Variants in MSRB3 observed in about 807,000 individuals in gnomAD.
MSRB3 encodes the protein methionine sulfoxide reductase B3.
A neutral mutation model predicts 21.0 loss-of-function variants in MSRB3; 13 were observed. That is an observed-to-expected ratio of 0.62 (90% CI 0.40 to 0.98). The LOEUF is 0.98. Ranked by LOEUF, MSRB3 falls within the 50% of genes least tolerant of loss-of-function variation. The probability of loss-of-function intolerance (pLI) is 0.00; values close to 1 mark genes in which losing one functional copy is unlikely to be tolerated. For synonymous variants in MSRB3, 87 were observed against 88.6 expected, an observed-to-expected ratio of 0.98 and a Z score of 0.10; for missense variants, 199 against 230.3, an observed-to-expected ratio of 0.86 and a Z score of 0.88.
rs1204085164 is a variant in MSRB3 at position 65,466,684 on chromosome 12, ATTAC to A, written c.*3365_*3368del. On this transcript the variant is annotated 3_prime_UTR_variant, in exon 7 of 7. Coordinates refer to ENST00000308259, the MANE Select transcript of MSRB3 (RefSeq NM_001031679.3). ...CGTAGCAATTTGAAAACTTCTCCGT[ATTAC>A]TTGTGTTTAAAATGTCTTGCTTTAA... The A allele has an allele frequency of 6.6e-6, 1 of 152,190 alleles. No homozygotes were observed. Among genetic ancestry groups the A allele is most frequent in the Non-Finnish European group, 1.5e-5 (1 of 68,028 alleles). 9.4% of individuals were successfully genotyped at this position (152,190 alleles called of 1,614,324 possible).
intron 5 of MSRB3, among the ~76,000 whole-genome samples, chr12:65,425,980 C>T (rs1021416220): frequency 6.6e-6 from 1 of 152,134 alleles, no homozygotes; most frequent in Admixed American, 6.5e-5. Context: ...CCTCAGCCTC[C>T]TGAGTAGCTG....
At position 65,463,458 on chromosome 12, in the gene MSRB3, G is replaced by A; in HGVS notation, c.*136G>A. 9.1e-7 allele frequency: 1 copy of A among 1,101,568 alleles called. No individual in the cohort carries two copies. The highest frequency in any genetic ancestry group is 1.3e-6 in the Non-Finnish European group (1 of 779,110). The allele number at this position is 1,101,568 out of a possible 1,614,324, so 68.2% of individuals were successfully genotyped here. ...TGCTATTGATATTTTTTCTTCTTTT[G>A]CTTAAACAGAAGCCCTGGCCATCCA... On this transcript the variant is annotated 3_prime_UTR_variant, in exon 7 of 7. Transcript: ENST00000308259.
chr12:65,326,111 C>G (rs984051447), intron 2 of MSRB3, among the ~76,000 whole-genome samples: 1 of 152,024 alleles, frequency 6.6e-6, no homozygotes, highest in Non-Finnish European at 1.5e-5. Context: ...TCTGTTTTTC[C>G]CACTCTTTCT....
At chr12:65,422,888 G>A (rs1436452738) in intron 5 of MSRB3, among the ~76,000 whole-genome samples, 1 of 150,532 alleles carries the variant, frequency 6.6e-6, no homozygotes, top group Non-Finnish European at 1.5e-5. Context: ...AGTTTCGTAT[G>A]TTGATTTTGT....
rs561960897 is a variant in MSRB3 at position 65,338,877 on chromosome 12, C to G, written c.263+10274C>G. Among the ~76,000 whole-genome samples, 28 of 152,136 alleles carry G rather than the reference C, an allele frequency of 1.8e-4. No individual in the cohort carries two copies. The South Asian group carries it at 5.0e-3, about 27-fold the overall frequency. Reference sequence around the variant, plus strand: ...ATTGCCTGAGCTCAGGAGTTCGAGACCAGCCTAGGCAACATGGTGAAACCC... The same window carrying G: ...ATTGCCTGAGCTCAGGAGTTCGAGAGCAGCCTAGGCAACATGGTGAAACCC... On this transcript the variant is annotated intron_variant, in intron 4 of 6. Coordinates refer to ENST00000308259, the MANE Select transcript of MSRB3 (RefSeq NM_001031679.3).
intron 5 of MSRB3, among the ~76,000 whole-genome samples, chr12:65,438,013 A>G (rs1882199271): frequency 1.3e-5 from 2 of 151,934 alleles, no homozygotes; most frequent in South Asian, 4.1e-4. Flanking sequence ...TGATGAGATA[A>G]TTATGCCACT....
chr12:65,422,630 C>T (rs1468335332), intron 5 of MSRB3, among the ~76,000 whole-genome samples: 1 of 150,920 alleles, frequency 6.6e-6, no homozygotes, highest in Admixed American at 6.6e-5. Flanking sequence ...TGCATTAAGT[C>T]TGTAGATGGC....
chr12:65,383,580 G>A (rs1405625858), intron 5 of MSRB3, among the ~76,000 whole-genome samples: 2 of 151,534 alleles, frequency 1.3e-5, no homozygotes, highest in African/African-American at 4.9e-5. Context: ...ATTTCTTGGT[G>A]GTATGGGTAA....
intron 1 of MSRB3, chr12:65,285,228 T>C (rs540778366): frequency 6.6e-6 from 1 of 152,360 alleles, no homozygotes; most frequent in Non-Finnish European, 1.5e-5. Context: ...ACAGAATTCC[T>C]TGCTTGCCTT....
At chr12:65,440,630 GCTGA>G (rs1273949634) in intron 5 of MSRB3, among the ~76,000 whole-genome samples, 1 of 151,898 alleles carries the variant, frequency 6.6e-6, no homozygotes, top group Non-Finnish European at 1.5e-5. Context: ...GTTTGTGGAT[GCTGA>G]CTAAGGCTTC....
At chr12:65,334,121 G>A (rs553635100) in intron 4 of MSRB3, among the ~76,000 whole-genome samples, 140 of 152,276 alleles carry the variant, frequency 9.2e-4, no homozygotes, top group African/African-American at 3.2e-3. Context: ...AGACCTTGAG[G>A]AACCACATAG....
intron 5 of MSRB3, among the ~76,000 whole-genome samples, chr12:65,450,887 A>G (rs1882826163): frequency 6.6e-6 from 1 of 152,198 alleles, no homozygotes; most frequent in Non-Finnish European, 1.5e-5. Flanking sequence ...TCCGCTTTCA[A>G]AGTGCTGTCA....
intron 6 of MSRB3, among the ~76,000 whole-genome samples, chr12:65,460,961 CT>C (rs1346170290): frequency 6.6e-6 from 1 of 151,816 alleles, no homozygotes; most frequent in African/African-American, 2.4e-5. Flanking sequence ...CCTCACTATG[CT>C]TTATTTTTGG....
chr12:65,463,224 T>G lies in MSRB3; in HGVS notation c.460T>G (p.Ser154Ala). ...AACTGGGAAAAGATACTGCATAAAT[T>G]CGGCTGCCTTGTCTTTTACACCTGC... ...RPTGKRYCIN[S>A]AALSFTPADS... is the part of the protein sequence containing the mutation. The change falls in exon 7 of 7, where the codon TCG becomes GCG. Residue 154 changes from serine to alanine, a missense_variant. Ser to Ala is a moderately conservative substitution (Grantham distance 99). Coordinates refer to ENST00000308259, the MANE Select transcript of MSRB3 (RefSeq NM_001031679.3). 3 of 1,614,242 alleles carry G rather than the reference T, an allele frequency of 1.9e-6. No individual in the cohort carries two copies. The highest frequency in any genetic ancestry group is 2.5e-6 in the Non-Finnish European group (3 of 1,180,046).
chr12:65,389,897 C>G (rs1879387216), intron 5 of MSRB3, among the ~76,000 whole-genome samples: 1 of 152,198 alleles, frequency 6.6e-6, no homozygotes, highest in Admixed American at 6.5e-5. Flanking sequence ...CAGGTTGCCC[C>G]TTGGCACTAT....
In MSRB3 at chr12:65,466,123, CCT is replaced by C. The variant is rs1012063663; in HGVS notation, c.*2804_*2805del. The C allele has an allele frequency of 2.6e-5, 4 of 151,996 alleles. No homozygotes were observed. The highest frequency in any genetic ancestry group is 9.7e-5 in the African/African-American group (4 of 41,386). 9.4% of individuals were successfully genotyped at this position (151,996 alleles called of 1,614,324 possible). A position where few individuals can be genotyped will look rare whatever the true frequency, so the allele number is the denominator to read the frequency against. ...TTAACATTTCACTCAAAAAAAAGCCCCTCTTTTTCTAATCCTTAGTCTTTGTT... is the reference window on the plus strand; with the variant it reads ...TTAACATTTCACTCAAAAAAAAGCCCCTTTTTCTAATCCTTAGTCTTTGTT... On this transcript the variant is annotated 3_prime_UTR_variant, in exon 7 of 7. Transcript: ENST00000308259.
chr12:65,304,491 T>TA (rs1555200606), intron 1 of MSRB3, among the ~76,000 whole-genome samples: 3 of 152,170 alleles, frequency 2.0e-5, no homozygotes, highest in Admixed American at 6.5e-5. Flanking sequence ...GTCTGGCTTT[T>TA]AAAAAAATAA....
intron 1 of MSRB3, chr12:65,284,873 T>A (rs910477602): frequency 2.6e-5 from 4 of 152,190 alleles, no homozygotes; most frequent in Non-Finnish European, 5.9e-5. Flanking sequence ...AGAATGACCT[T>A]TCTAAACTAC....
At chr12:65,369,061 T>C in intron 5 of MSRB3, 35 bp downstream of exon 5, 1 of 1,451,052 alleles carries the variant, frequency 6.9e-7, no homozygotes. Context: ...TCTGAATATA[T>C]TTTATTTACA....
Sources: gnomAD v4.1 joint callset for allele counts (sites outside exome capture counted in the v4.1 genomes callset) on GRCh38, gnomAD v4.1.1 for gene constraint, MANE v1.5 for transcripts, NCBI Gene and HGNC (gene_info 2026-07-23, HGNC 2026-07-21) for gene names.